SV2C: variants seen among roughly 807,000 people sequenced by gnomAD.
The protein encoded by SV2C is synaptic vesicle glycoprotein 2C.
A neutral mutation model predicts 79.7 loss-of-function variants in SV2C; 49 were observed. The observed-to-expected ratio is 0.61, with a 90% CI of 0.49 to 0.78. The LOEUF is 0.78. SV2C is among the 30% of genes least tolerant of loss of function. The pLI, the probability that SV2C is intolerant of heterozygous loss-of-function variation, is 0.00. For missense variants in SV2C, 833 were observed against 912.9 expected, an observed-to-expected ratio of 0.91 and a Z score of 1.13; for synonymous variants, 334 against 333.2, an observed-to-expected ratio of 1.00 and a Z score of -0.03.
the SV2C span, among the ~76,000 whole-genome samples, chr5:76,022,175 T>G: frequency 1.3e-5 from 2 of 152,318 alleles, no homozygotes; most frequent in East Asian, 3.9e-4. Flanking sequence ...TGGTGTCATT[T>G]AGCACACTGA....
chr5:76,141,035 G>A (rs776720209), intron 2 of SV2C, among the ~76,000 whole-genome samples: 3 of 152,074 alleles, frequency 2.0e-5, no homozygotes, highest in Non-Finnish European at 4.4e-5. Context: ...ATAATTTATC[G>A]CCATTATGGT....
At chr5:75,969,260 G>A in the SV2C span, among the ~76,000 whole-genome samples, 18 of 152,112 alleles carry the variant, frequency 1.2e-4, no homozygotes, top group African/African-American at 4.3e-4. Flanking sequence ...GGAAGAAAAT[G>A]CATCAACTAA....
intron 4 of SV2C, among the ~76,000 whole-genome samples, chr5:76,240,761 AC>A (rs752601357): frequency 7.2e-4 from 110 of 152,210 alleles, no homozygotes; most frequent in Non-Finnish European, 8.1e-4. Flanking sequence ...ATTTGGGGAA[AC>A]CAAACTAAGA....
At chr5:75,943,893 C>G in the SV2C span, among the ~76,000 whole-genome samples, 1 of 152,036 alleles carries the variant, frequency 6.6e-6, no homozygotes, top group African/African-American at 2.4e-5. Flanking sequence ...CTTATTACTG[C>G]CAGAATAGTC....
intron 1 of SV2C, among the ~76,000 whole-genome samples, chr5:76,129,833 T>C (rs1052565376): frequency 6.6e-6 from 1 of 152,192 alleles, no homozygotes; most frequent in Non-Finnish European, 1.5e-5. Flanking sequence ...TGGAGCTCAC[T>C]TAATGGTATT....
chr5:76,077,051 A>G, the SV2C span, among the ~76,000 whole-genome samples: 15 of 152,340 alleles, frequency 9.8e-5, no homozygotes, highest in East Asian at 1.9e-4. Flanking sequence ...TTAGAATTTT[A>G]CCATTTAGCA....
the SV2C span, among the ~76,000 whole-genome samples, chr5:75,997,755 A>G: frequency 6.6e-6 from 1 of 152,342 alleles, no homozygotes; most frequent in Non-Finnish European, 1.5e-5. Flanking sequence ...ACTGTAAACT[A>G]GTTCAACCAT....
At chr5:75,944,090 T>C in the SV2C span, among the ~76,000 whole-genome samples, 2 of 152,100 alleles carry the variant, frequency 1.3e-5, no homozygotes, top group East Asian at 3.9e-4. Flanking sequence ...CTACCATAGC[T>C]CACTATAACC....
intron 9 of SV2C, among the ~76,000 whole-genome samples, chr5:76,297,454 A>G (rs541971390): frequency 3.9e-5 from 6 of 152,274 alleles, no homozygotes; most frequent in South Asian, 2.1e-4. Context: ...TCCATTTTCA[A>G]CCTTTCGAAT....
the SV2C span, among the ~76,000 whole-genome samples, chr5:75,877,056 T>C: frequency 0.16 from 24,735 of 151,896 alleles, 3,002 homozygotes; most frequent in African/African-American, 0.35. Flanking sequence ...AGAAGACACA[T>C]TTTAGATCGA....
Position 76,291,286 on chromosome 5 carries a change from A to G in SV2C, c.1203A>G (p.Thr401=), listed in dbSNP as rs1385590183. 2 of 1,613,246 alleles carry G rather than the reference A, an allele frequency of 1.2e-6. No individual in the cohort carries two copies. Among genetic ancestry groups the G allele is most frequent in the African/African-American group, 2.7e-5 (2 of 74,860 alleles). The change falls in exon 7 of 13, where the codon ACA becomes ACG. Residue 401 remains threonine (T), a synonymous_variant. Coordinates refer to ENST00000502798, the MANE Select transcript of SV2C (RefSeq NM_014979.4). ...TTGAAATTGAGAGTGACACAGGAAC[A>G]TGGTATAGGAGGTGTTTTGTTCGGA... The part of the protein sequence containing the change: ...ELIEIESDTG[T]WYRRCFVRIR...
intron 2 of SV2C, among the ~76,000 whole-genome samples, chr5:76,177,285 G>T (rs1354911105): frequency 6.6e-6 from 1 of 150,728 alleles, no homozygotes. Context: ...CCCAGTGAAT[G>T]AAATATTTTC....
At chr5:76,336,660 G>A (rs1352548996), downstream of SV2C, among the ~76,000 whole-genome samples, 1 of 152,120 alleles carries the variant, frequency 6.6e-6, no homozygotes, top group African/African-American at 2.4e-5. Context: ...GGAGGCCGAG[G>A]CCGGCGGACC....
chr5:76,060,644 T>C, the SV2C span, among the ~76,000 whole-genome samples: 1 of 152,098 alleles, frequency 6.6e-6, no homozygotes, highest in Non-Finnish European at 1.5e-5. Flanking sequence ...TTTGATTTTT[T>C]TCTCTAGACC....
chr5:76,038,526 A>C, the SV2C span, among the ~76,000 whole-genome samples: 1 of 152,240 alleles, frequency 6.6e-6, no homozygotes, highest in Non-Finnish European at 1.5e-5. Context: ...TGTAATACTT[A>C]CATTGCAGAG....
At chr5:76,030,271 T>TTG in the SV2C span, among the ~76,000 whole-genome samples, 4 of 105,132 alleles carry the variant, frequency 3.8e-5, no homozygotes, top group African/African-American at 1.3e-4. Context: ...GGCTTGTTTT[T>TTG]TTTTTTTTTT....
intron 4 of SV2C, among the ~76,000 whole-genome samples, chr5:76,267,989 G>A (rs1746720082): frequency 6.6e-6 from 1 of 152,152 alleles, no homozygotes; most frequent in East Asian, 1.9e-4. Flanking sequence ...CTCCTAAGTG[G>A]GACATTTCTA....
At chr5:75,991,510 G>A in the SV2C span, among the ~76,000 whole-genome samples, 2 of 149,366 alleles carry the variant, frequency 1.3e-5, no homozygotes, top group Non-Finnish European at 3.0e-5. Flanking sequence ...GAGTACCTAT[G>A]TAACCCAAGG....
rs1749082563 is a variant in SV2C at position 76,328,719 on chromosome 5, A to G, written c.*3172A>G. On this transcript the variant is annotated 3_prime_UTR_variant, in exon 13 of 13. Coordinates refer to ENST00000502798, the MANE Select transcript of SV2C (RefSeq NM_014979.4). ...GCTCTCCACTCTCCAGCATTGTAGAAGACAGTAATGAAAATAGCTTCATCT... is the reference window on the plus strand; with the variant it reads ...GCTCTCCACTCTCCAGCATTGTAGAGGACAGTAATGAAAATAGCTTCATCT... 6.6e-6 allele frequency: 1 copy of G among 152,176 alleles called. No individual in the cohort carries two copies. The highest frequency in any genetic ancestry group is 6.5e-5 in the Admixed American group (1 of 15,282). The allele number at this position is 152,176 out of a possible 1,614,324, so 9.4% of individuals were successfully genotyped here.
Sources: gnomAD v4.1 joint callset for allele counts (sites outside exome capture counted in the v4.1 genomes callset) on GRCh38, gnomAD v4.1.1 for gene constraint, MANE v1.5 for transcripts, NCBI Gene and HGNC (gene_info 2026-07-23, HGNC 2026-07-21) for gene names.